Variants in CAB39L observed in about 807,000 individuals in gnomAD.
CAB39L encodes calcium-binding protein 39-like.
Under a neutral mutation model 39.1 loss-of-function variants are expected in CAB39L, and 23 were observed. The ratio of observed to expected loss-of-function variants is 0.59; its 90% CI spans 0.42 to 0.83. CAB39L has a LOEUF of 0.83. CAB39L is among the 40% of genes least tolerant of loss of function. CAB39L has a pLI of 0.00. For synonymous variants in CAB39L, 126 were observed against 137.2 expected (o/e 0.92, Z 0.57); for missense variants, 366 against 391.9 (o/e 0.93, Z 0.56).
chr13:49,375,365 C>G (rs1210761096), intron 5 of CAB39L, among the ~76,000 whole-genome samples: 2 of 151,916 alleles, frequency 1.3e-5, no homozygotes, highest in East Asian at 3.9e-4. Flanking sequence ...TACAAGTGTT[C>G]ATAATACCTA....
chr13:49,329,591 ATATATAAT>A (rs1466255267), intron 10 of CAB39L, among the ~76,000 whole-genome samples: 6 of 123,314 alleles, frequency 4.9e-5, no homozygotes, highest in Admixed American at 1.7e-4. Flanking sequence ...ATATATATAT[ATATATAAT>A]GATGTAATAA....
At chr13:49,328,056 C>T (rs1050196266) in intron 10 of CAB39L, among the ~76,000 whole-genome samples, 7 of 152,208 alleles carry the variant, frequency 4.6e-5, no homozygotes, top group Non-Finnish European at 8.8e-5. Context: ...CACCTATCAA[C>T]GACTTTAAGA....
chr13:49,415,675 G>A (rs768935391), intron 3 of CAB39L, among the ~76,000 whole-genome samples: 1 of 152,078 alleles, frequency 6.6e-6, no homozygotes, highest in South Asian at 2.1e-4. Flanking sequence ...GGCACAGGAA[G>A]GGTGCTGATT....
At chr13:49,346,110 T>TATATATATATGCTAGAG (rs1566079325) in intron 7 of CAB39L, among the ~76,000 whole-genome samples, 1 of 53,214 alleles carries the variant, frequency 1.9e-5, no homozygotes, top group Non-Finnish European at 3.7e-5. Context: ...GATATATATA[T>TATATATATATGCTAGAG]ATATATATAT....
intron 3 of CAB39L, among the ~76,000 whole-genome samples, chr13:49,426,051 G>A (rs957865026): frequency 2.0e-5 from 3 of 152,048 alleles, no homozygotes; most frequent in Non-Finnish European, 4.4e-5. Flanking sequence ...AGCTTTGTGG[G>A]GGTCCTAGGA....
intron 3 of CAB39L, among the ~76,000 whole-genome samples, chr13:49,424,821 T>C (rs975339436): frequency 6.6e-6 from 1 of 152,166 alleles, no homozygotes; most frequent in Non-Finnish European, 1.5e-5. Context: ...ATGGAATAAA[T>C]AAGTATATGG....
At chr13:49,417,828 C>A (rs1269842288) in intron 3 of CAB39L, among the ~76,000 whole-genome samples, 5 of 152,046 alleles carry the variant, frequency 3.3e-5, no homozygotes, top group South Asian at 2.1e-4. Flanking sequence ...TTAAAAAAAA[C>A]CCTGCAAGTC....
chr13:49,377,293 T>C (rs1251829366), intron 4 of CAB39L, among the ~76,000 whole-genome samples, 162 bp from the exon 5 acceptor site: 3 of 102,940 alleles, frequency 2.9e-5, no homozygotes, highest in Admixed American at 2.5e-4. Flanking sequence ...GGAATCACCA[T>C]GTTTGGGTGG....
rs367959626 is a variant in CAB39L at position 49,416,307 on chromosome 13, CT to C, written c.-32+17010del. 1.9e-4 allele frequency among the ~76,000 whole-genome samples: 29 copies of C among 152,300 alleles called. No homozygotes were observed. The South Asian group carries it at 4.4e-3, about 23-fold the overall frequency. ...CAGAATGTGCTTTCAAACCTTGCCC[CT>C]GACCCACAACAAAAAATACGGCTAA... On this transcript the variant is annotated intron_variant, in intron 3 of 10. Transcript: ENST00000409308.
chr13:49,365,898 AT>A (rs1286592890), intron 5 of CAB39L, among the ~76,000 whole-genome samples: 1 of 152,250 alleles, frequency 6.6e-6, no homozygotes, highest in Non-Finnish European at 1.5e-5. Flanking sequence ...AACAACCTAA[AT>A]GTCCAAAAAC....
At chr13:49,378,575 CGGGA>C in intron 4 of CAB39L, among the ~76,000 whole-genome samples, 1 of 70,420 alleles carries the variant, frequency 1.4e-5, no homozygotes, top group Non-Finnish European at 2.9e-5. Context: ...CCGCCCCGTC[CGGGA>C]GGGAGGTGGG....
At chr13:49,388,146 G>C (rs1390603580) in intron 3 of CAB39L, among the ~76,000 whole-genome samples, 1 of 152,126 alleles carries the variant, frequency 6.6e-6, no homozygotes, top group African/African-American at 2.4e-5. Context: ...ATCTATATAG[G>C]TATTTTATAG....
At chr13:49,439,920 G>GTTTTTTTTTTTTTTTTTTTTTTTT (rs1270438947) in intron 1 of CAB39L, among the ~76,000 whole-genome samples, 1 of 41,366 alleles carries the variant, frequency 2.4e-5, no homozygotes, top group African/African-American at 7.7e-5. Flanking sequence ...CTTTTTAATG[G>GTTTTTTTTTTTTTTTTTTTTTTTT]GTTTTTTTTT....
At position 49,440,356 on chromosome 13, in the gene CAB39L, G is replaced by C. The variant is rs78564308; in HGVS notation, c.-246+3630C>G. Among the ~76,000 whole-genome samples, 174 of 152,164 alleles carry C rather than the reference G, an allele frequency of 1.1e-3. 1 individual carries two copies. The highest frequency in any genetic ancestry group is 3.9e-3 in the African/African-American group (164 of 41,530). ...TATCCCAGCACCATTTATTGAATAG[G>C]AAGTTCTTTCTCCATTGCTTCCTTT... On this transcript the variant is annotated intron_variant, in intron 1 of 10. Coordinates refer to ENST00000409308, the MANE Select transcript of CAB39L (RefSeq NM_001079670.3).
At chr13:49,319,830 TAAA>T (rs61633162) in intron 10 of CAB39L, among the ~76,000 whole-genome samples, 2 of 126,264 alleles carry the variant, frequency 1.6e-5, no homozygotes, top group Non-Finnish European at 1.7e-5. Flanking sequence ...CTTTCTTTCT[TAAA>T]AAAAAAAAAA....
intron 9 of CAB39L, among the ~76,000 whole-genome samples, chr13:49,338,317 A>T (rs1781602977): frequency 6.6e-6 from 1 of 151,998 alleles, no homozygotes; most frequent in Non-Finnish European, 1.5e-5. Context: ...AATACTATGC[A>T]GCCATAAAAA....
intron 9 of CAB39L, among the ~76,000 whole-genome samples, chr13:49,337,017 T>G (rs1954867642): frequency 6.6e-6 from 1 of 152,150 alleles, no homozygotes; most frequent in South Asian, 2.1e-4. Context: ...AAGTGCTGGA[T>G]GGCTGGCTGA....
chr13:49,428,529 G>A (rs1402374668), intron 3 of CAB39L, among the ~76,000 whole-genome samples: 1 of 152,288 alleles, frequency 6.6e-6, no homozygotes, highest in Admixed American at 6.5e-5. Context: ...CAGGTGGTGG[G>A]GGCCATCTTG....
chr13:49,408,392 G>A (rs1405484778), intron 3 of CAB39L, among the ~76,000 whole-genome samples: 1 of 152,160 alleles, frequency 6.6e-6, no homozygotes, highest in Non-Finnish European at 1.5e-5. Flanking sequence ...ATGCCCACAG[G>A]CAGCTGAACA....
Sources: gnomAD v4.1 joint callset for allele counts (sites outside exome capture counted in the v4.1 genomes callset) on GRCh38, gnomAD v4.1.1 for gene constraint, MANE v1.5 for transcripts, NCBI Gene and HGNC (gene_info 2026-07-23, HGNC 2026-07-21) for gene names.